Variants in RBFOX1 observed in about 807,000 individuals in gnomAD.
RBFOX1 encodes RNA binding protein fox-1 homolog 1.
RBFOX1 carries 8 observed loss-of-function variants against 57.7 expected under a neutral mutation model. The observed-to-expected ratio is 0.14, with a 90% confidence interval of 0.08 to 0.25. The LOEUF is 0.25. Among genes scored for constraint, RBFOX1 ranks in the 10% least tolerant of loss-of-function variants. The pLI, the probability that RBFOX1 is intolerant of heterozygous loss-of-function variation, is 1.00. For synonymous variants in RBFOX1, 326 were observed against 222.4 expected, an observed-to-expected ratio of 1.47 and a Z score of -4.15; for missense variants, 611 against 548.5, an observed-to-expected ratio of 1.11 and a Z score of -1.14.
chr16:5,442,234 G>C (rs1226947389), intron 1 of RBFOX1, among the ~76,000 whole-genome samples: 1 of 152,210 alleles, frequency 6.6e-6, no homozygotes, highest in African/African-American at 2.4e-5. Flanking sequence ...GGATGTAGAA[G>C]GGCATTCCGT....
rs908817052 is a variant in RBFOX1 at position 5,949,442 on chromosome 16, C to T, written c.351+82107C>T. On this transcript the variant is annotated intron_variant, in intron 4 of 19. Coordinates refer to the RBFOX1 transcript ENST00000641259. Reference sequence around the variant, plus strand: ...TCGGGAGGCTGAGGCAGGAGAATGACGTGAACCCGGGAGGCAGAGCTTGCA... The same window carrying T: ...TCGGGAGGCTGAGGCAGGAGAATGATGTGAACCCGGGAGGCAGAGCTTGCA... Among the ~76,000 whole-genome samples, 6 of 143,684 alleles carry T rather than the reference C, an allele frequency of 4.2e-5. No homozygotes were observed. The South Asian group carries it at 8.8e-4, about 21-fold the overall frequency. The allele number at this position is 143,684 out of a possible 152,430, so 94.3% of individuals were successfully genotyped here. A position where few individuals can be genotyped will look rare whatever the true frequency, so the allele number is the denominator to read the frequency against.
chr16:6,981,346 T>C (rs1035694287), intron 3 of RBFOX1, among the ~76,000 whole-genome samples: 1 of 152,120 alleles, frequency 6.6e-6, no homozygotes, highest in Non-Finnish European at 1.5e-5. Flanking sequence ...TAGCTCCTAC[T>C]TTACTTTTCT....
intron 2 of RBFOX1, among the ~76,000 whole-genome samples, chr16:6,453,255 C>G (rs1567309885): frequency 6.6e-6 from 1 of 152,124 alleles, no homozygotes; most frequent in Non-Finnish European, 1.5e-5. Flanking sequence ...AATGCCATCC[C>G]TCCTCTAGCC....
intron 3 of RBFOX1, among the ~76,000 whole-genome samples, chr16:6,788,504 CTT>C (rs370330174): frequency 3.7e-4 from 56 of 151,720 alleles, no homozygotes; most frequent in African/African-American, 1.3e-3. Flanking sequence ...GACAGAGTCT[CTT>C]GCTCTGTCGC....
intron 14 of RBFOX1, among the ~76,000 whole-genome samples, chr16:7,691,552 C>T (rs1163076916): frequency 1.3e-5 from 2 of 152,108 alleles, no homozygotes; most frequent in Non-Finnish European, 2.9e-5. Context: ...CTTTCAAGGA[C>T]ACCATCATAC....
chr16:6,829,450 C>T (rs1294790061), intron 3 of RBFOX1, among the ~76,000 whole-genome samples: 1 of 146,002 alleles, frequency 6.8e-6, no homozygotes, highest in Non-Finnish European at 1.5e-5. Context: ...AGTTTTGGGT[C>T]TGTCCATGCA....
At chr16:5,362,240 G>T (rs181539803) in intron 1 of RBFOX1, among the ~76,000 whole-genome samples, 377 of 152,170 alleles carry the variant, frequency 2.5e-3, no homozygotes, top group African/African-American at 8.6e-3. Flanking sequence ...CCCCAGGCTG[G>T]AGTGCAGTGG....
chr16:5,799,531 C>G (rs1278209829), intron 3 of RBFOX1, among the ~76,000 whole-genome samples: 2 of 152,166 alleles, frequency 1.3e-5, no homozygotes, highest in Non-Finnish European at 2.9e-5. Context: ...AGTACCTACA[C>G]AACCATTCTG....
At chr16:7,469,393 A>G (rs757855085) in intron 4 of RBFOX1, among the ~76,000 whole-genome samples, 16 of 152,070 alleles carry the variant, frequency 1.1e-4, no homozygotes, top group Non-Finnish European at 1.8e-4. Flanking sequence ...TCCTAAACCT[A>G]TGAGGCTATG....
At chr16:5,934,699 G>C (rs2059132932) in intron 4 of RBFOX1, among the ~76,000 whole-genome samples, 1 of 152,196 alleles carries the variant, frequency 6.6e-6, no homozygotes, top group African/African-American at 2.4e-5. Context: ...GAAATATCAG[G>C]ATGTGCCCCA....
At chr16:7,362,136 G>C (rs1408641239) in intron 4 of RBFOX1, among the ~76,000 whole-genome samples, 3 of 151,688 alleles carry the variant, frequency 2.0e-5, no homozygotes, top group Non-Finnish European at 4.4e-5. Flanking sequence ...TTGTGTGTGT[G>C]TTAGTGTATG....
At chr16:5,444,258 T>C (rs1403161534) in intron 1 of RBFOX1, among the ~76,000 whole-genome samples, 1 of 152,222 alleles carries the variant, frequency 6.6e-6, no homozygotes, top group Non-Finnish European at 1.5e-5. Flanking sequence ...GCAGATTGGC[T>C]GCCTTGCTAC....
At chr16:5,344,731 G>C (rs544605108) in intron 1 of RBFOX1, among the ~76,000 whole-genome samples, 6 of 151,876 alleles carry the variant, frequency 4.0e-5, no homozygotes, top group Admixed American at 3.3e-4. Flanking sequence ...ATACATTTTT[G>C]GTTGAAAAAA....
intron 3 of RBFOX1, among the ~76,000 whole-genome samples, chr16:5,734,867 A>C (rs1487876879): frequency 6.6e-6 from 1 of 152,158 alleles, no homozygotes; most frequent in Admixed American, 6.5e-5. Context: ...AGCAAAAGTA[A>C]CATCGTGAGA....
chr16:7,065,706 C>G (rs972777284), intron 4 of RBFOX1, among the ~76,000 whole-genome samples: 1 of 152,134 alleles, frequency 6.6e-6, no homozygotes, highest in Admixed American at 6.6e-5. Flanking sequence ...ATATAATACG[C>G]TGTGATTACC....
At chr16:5,515,132 G>T (rs2043743382) in intron 2 of RBFOX1, among the ~76,000 whole-genome samples, 1 of 152,174 alleles carries the variant, frequency 6.6e-6, no homozygotes, top group Admixed American at 6.5e-5. Context: ...TGAGGACTCG[G>T]CCCCCATGAC....
chr16:5,878,380 G>C (rs1275765972), intron 4 of RBFOX1, among the ~76,000 whole-genome samples: 1 of 152,108 alleles, frequency 6.6e-6, no homozygotes, highest in African/African-American at 2.4e-5. Context: ...TATTAATGTA[G>C]ACTTCATTTA....
intron 1 of RBFOX1, among the ~76,000 whole-genome samples, chr16:5,424,935 C>G (rs1182510365): frequency 0.019 from 1,203 of 63,942 alleles, 62 homozygotes; most frequent in African/African-American, 0.046. Context: ...TTCTTTCTTT[C>G]TCTCTCTTCT....
chr16:6,869,295 T>A (rs559743572), intron 3 of RBFOX1, among the ~76,000 whole-genome samples: 2 of 152,198 alleles, frequency 1.3e-5, no homozygotes, highest in African/African-American at 4.8e-5. Context: ...AAGTAAATAC[T>A]TATTATATCT....
Sources: allele counts gnomAD v4.1 joint callset (sites outside exome capture counted in the v4.1 genomes callset), GRCh38; gene constraint gnomAD v4.1.1; transcripts MANE v1.5; gene names NCBI Gene and HGNC (gene_info 2026-07-23, HGNC 2026-07-21).